Variants in FAM186A observed in about 807,000 individuals in gnomAD.
The protein encoded by FAM186A is protein FAM186A.
In FAM186A, 163 loss-of-function variants were observed where a neutral mutation model predicts 216.8. That is an observed-to-expected ratio of 0.75 (90% CI 0.66 to 0.86). The LOEUF is 0.86. Ranked by LOEUF, FAM186A falls within the 40% of genes least tolerant of loss-of-function variation. The pLI is 0.00. For missense variants in FAM186A, 2,184 were observed against 2,746.2 expected (o/e 0.80, Z 4.58); for synonymous variants, 805 against 1,025.3 (o/e 0.79, Z 4.10).
chr12:50,379,464 A>AGGG (rs1565895111), intron 1 of FAM186A, among the ~76,000 whole-genome samples: 1 of 31,670 alleles, frequency 3.2e-5, no homozygotes, highest in African/African-American at 7.4e-5. Flanking sequence ...AGAAAAAAAG[A>AGGG]GGGAAAAACA....
At position 50,360,784 on chromosome 12, in the gene FAM186A, G is replaced by A. The variant is rs540419082; in HGVS notation, c.555C>T (p.Asp185=). Residue 185 remains aspartate (D), a synonymous_variant, in exon 3 of 8, where the codon GAC becomes GAT. Coordinates refer to ENST00000327337, the MANE Select transcript of FAM186A (RefSeq NM_001145475.3). ...TTTTTTTCTTTTGTTTCTTCTTTTC[G>A]TCGAGGAAAGATGTACTAAATCTGC... The part of the protein sequence containing the change: ...ILSRFSTSFL[D]EKKKQKKKIL... The A allele has an allele frequency of 3.6e-5, 55 of 1,536,756 alleles. No homozygotes were observed. The African/African-American group carries it at 3.6e-4, about 10-fold the overall frequency.
intron 3 of FAM186A, among the ~76,000 whole-genome samples, chr12:50,359,132 C>T (rs752892421): frequency 2.6e-5 from 4 of 151,840 alleles, no homozygotes; most frequent in African/African-American, 4.8e-5. Context: ...AGACAGAGGC[C>T]GGGTGCCTGT....
chr12:50,329,246 G>C (rs752011836), intron 7 of FAM186A, among the ~76,000 whole-genome samples: 7 of 152,064 alleles, frequency 4.6e-5, no homozygotes, highest in Admixed American at 4.6e-4. Flanking sequence ...TGGAATGTAA[G>C]GAAAATGAAA....
chr12:50,367,188 TA>T (rs1943097754), intron 1 of FAM186A, among the ~76,000 whole-genome samples: 1 of 152,022 alleles, frequency 6.6e-6, no homozygotes, highest in South Asian at 2.1e-4. Context: ...ACCATCTATC[TA>T]ACCTGGTATT....
chr12:50,370,887 A>C (rs1474796923), intron 1 of FAM186A, among the ~76,000 whole-genome samples: 1 of 151,948 alleles, frequency 6.6e-6, no homozygotes, highest in Non-Finnish European at 1.5e-5. Flanking sequence ...ACTTGAGGTC[A>C]GGGGTTTGAG....
At chr12:50,372,917 A>AG (rs1454332606) in intron 1 of FAM186A, among the ~76,000 whole-genome samples, 1 of 145,442 alleles carries the variant, frequency 6.9e-6, no homozygotes, top group African/African-American at 2.5e-5. Context: ...AAAAAAAAAA[A>AG]GAAAAAAGAA....
chr12:50,389,467 G>A (rs1310974332), intron 1 of FAM186A, among the ~76,000 whole-genome samples: 7 of 152,082 alleles, frequency 4.6e-5, no homozygotes, highest in Non-Finnish European at 1.0e-4. Flanking sequence ...GACATTGCAC[G>A]CCAGCTTGGG....
At chr12:50,333,560 A>AG (rs1942677793) in intron 5 of FAM186A, among the ~76,000 whole-genome samples, 2 of 151,984 alleles carry the variant, frequency 1.3e-5, no homozygotes, top group South Asian at 4.2e-4. Context: ...ACAAAAAAAA[A>AG]GGCCATTTGA....
At chr12:50,346,091 A>G (rs1247578911) in intron 4 of FAM186A, among the ~76,000 whole-genome samples, 1 of 148,008 alleles carries the variant, frequency 6.8e-6, no homozygotes, top group African/African-American at 2.5e-5. Context: ...GGATTGCTTC[A>G]GTCTGTGAGG....
chr12:50,337,099 A>G (rs1942716018), intron 4 of FAM186A, among the ~76,000 whole-genome samples: 2 of 151,374 alleles, frequency 1.3e-5, no homozygotes, highest in Non-Finnish European at 2.9e-5. Flanking sequence ...TAATATTTAA[A>G]CATATTAGAT....
chr12:50,346,148 C>T (rs1348533918), intron 4 of FAM186A, among the ~76,000 whole-genome samples: 2 of 133,560 alleles, frequency 1.5e-5, no homozygotes, highest in East Asian at 2.2e-4. Context: ...TCCAGCTGGG[C>T]GACAAAGCCA....
intron 1 of FAM186A, among the ~76,000 whole-genome samples, chr12:50,373,045 A>AAG (rs1943162134): frequency 6.7e-6 from 1 of 150,354 alleles, no homozygotes. Context: ...GAAAGAAAGA[A>AAG]AGAAAGAAAG....
At position 50,350,941 on chromosome 12, in the gene FAM186A, G is replaced by A. The variant is rs766448832; in HGVS notation, c.5891C>T (p.Ser1964Phe). 6.2e-5 allele frequency: 96 copies of A among 1,551,208 alleles called. No homozygotes were observed. Among genetic ancestry groups the A allele is most frequent in the Non-Finnish European group, 8.3e-5 (95 of 1,146,876 alleles). The stretch of plus-strand genomic sequence containing the variant: ...ACTAGGATGGATCAATACTGATTTA[G>A]ATTTCAGAGAAGAAATAATTGCCAA... Reference protein sequence around the residue: ...KRLAIISSLKSKSVLIHPSAP... With the variant: ...KRLAIISSLKFKSVLIHPSAP... The change falls in exon 4 of 8, where the codon TCT becomes TTT. Residue 1964 changes from serine to phenylalanine, a missense_variant. Transcript: ENST00000327337.
chr12:50,360,031 C>T (rs1014646319), intron 3 of FAM186A, among the ~76,000 whole-genome samples: 3 of 152,026 alleles, frequency 2.0e-5, no homozygotes, highest in African/African-American at 7.3e-5. Context: ...CATTTGAGGT[C>T]AGGAGTTTGA....
At chr12:50,350,229 C>T (rs1565882783) in intron 4 of FAM186A, 100 bp downstream of exon 4, 1 of 1,116,170 alleles carries the variant, frequency 9.0e-7, no homozygotes, top group Non-Finnish European at 1.3e-6. Flanking sequence ...TCCTTTAGAA[C>T]ATATGGCCTG....
rs1289985887 is a variant in FAM186A, at chr12:50,354,602, G to C, written c.2230C>G (p.Gln744Glu). 2 of 1,548,348 alleles carry C rather than the reference G, an allele frequency of 1.3e-6. No individual in the cohort carries two copies. Among genetic ancestry groups the C allele is most frequent in the East Asian group, 2.4e-5 (1 of 40,884 alleles). Residue 744 changes from glutamine (Q) to glutamate (E), a missense_variant, in exon 4 of 8, where the codon CAA (glutamine) becomes GAA (glutamate). Coordinates refer to ENST00000327337, the MANE Select transcript of FAM186A (RefSeq NM_001145475.3). ...RKYKDTKKEE[Q>E]VGEKPIKQKK... ...TGTTTTATAGGTTTCTCTCCAACTT[G>C]TTCTTCCTTTTTTGTATCTTTGTAT...
At chr12:50,335,982 C>T (rs866150262) in intron 4 of FAM186A, among the ~76,000 whole-genome samples, 7 of 151,380 alleles carry the variant, frequency 4.6e-5, no homozygotes, top group African/African-American at 9.7e-5. Context: ...AAAATTAGCC[C>T]GGTGTGATGG....
intron 1 of FAM186A, among the ~76,000 whole-genome samples, chr12:50,375,726 A>G (rs1943191491): frequency 6.9e-6 from 1 of 144,250 alleles, no homozygotes; most frequent in Non-Finnish European, 1.5e-5. Context: ...CAAAAAAAAA[A>G]AGAAAAAGAA....
At chr12:50,333,265 C>A (rs953167883) in intron 5 of FAM186A, among the ~76,000 whole-genome samples, 6 of 152,088 alleles carry the variant, frequency 3.9e-5, no homozygotes, top group East Asian at 1.9e-4. Flanking sequence ...GGCGTGGTGG[C>A]TCACGCCTGT....
Sources: gnomAD v4.1 joint callset for allele counts (sites outside exome capture counted in the v4.1 genomes callset) on GRCh38, gnomAD v4.1.1 for gene constraint, MANE v1.5 for transcripts, NCBI Gene and HGNC (gene_info 2026-07-23, HGNC 2026-07-21) for gene names.